The following ALKBH1 variants were observed in gnomAD, a reference collection of about 807,000 sequenced individuals.
ALKBH1 encodes the protein alkB homolog 1, histone H2A dioxygenase, also known as nucleic acid dioxygenase ALKBH1.
ALKBH1 carries 31 observed loss-of-function variants against 36.6 expected under a neutral mutation model. The observed-to-expected ratio is 0.85, with a 90% CI of 0.64 to 1.14. The LOEUF is 1.14. Among genes scored for constraint, ALKBH1 ranks in the 50% most tolerant of loss-of-function variants. The pLI, the probability that ALKBH1 is intolerant of heterozygous loss-of-function variation, is 0.00. For synonymous variants in ALKBH1, 183 were observed against 186.6 expected, an observed-to-expected ratio of 0.98 and a Z score of 0.16; for missense variants, 490 against 497.3, an observed-to-expected ratio of 0.99 and a Z score of 0.14.
rs910831624 is a variant in ALKBH1 at position 77,704,225 on chromosome 14, G to C, written c.292+144C>G. 6.2e-6 allele frequency: 4 copies of C among 650,404 alleles called. No individual in the cohort carries two copies. The South Asian group carries it at 7.1e-5, about 11-fold the overall frequency. The allele number at this position is 650,404 out of a possible 1,614,324, so 40.3% of individuals were successfully genotyped here. The stretch of plus-strand genomic sequence containing the variant: ...GACGTCTTAGACAAGGTACAGTCTA[G>C]AATGGGTTTGGAAATGAAACATTTA... On this transcript the variant is annotated intron_variant, in intron 2 of 5. Coordinates refer to ENST00000216489, the MANE Select transcript of ALKBH1 (RefSeq NM_006020.3).
intron 2 of ALKBH1, among the ~76,000 whole-genome samples, chr14:77,700,390 A>G (rs1227329579): frequency 1.3e-5 from 2 of 152,226 alleles, no homozygotes; most frequent in Non-Finnish European, 2.9e-5. Flanking sequence ...TATCAATAGC[A>G]TATACTCCAA....
At chr14:77,696,650 G>C (rs1361606837) in intron 2 of ALKBH1, 1 of 152,454 alleles carries the variant, frequency 6.6e-6, no homozygotes, top group East Asian at 1.9e-4. Flanking sequence ...GGAGCTACCT[G>C]TGTAGCTGTA....
At position 77,679,800 on chromosome 14, in the gene ALKBH1, C is replaced by T. The variant is rs576375913; in HGVS notation, c.546+80G>A. 110 of 1,040,394 alleles carry T rather than the reference C, an allele frequency of 1.1e-4. 1 individual carries two copies. In the South Asian group the frequency reaches 1.4e-3, roughly 13 times the overall value. The allele number at this position is 1,040,394 out of a possible 1,614,324, so 64.4% of individuals were successfully genotyped here. A position where few individuals can be genotyped will look rare whatever the true frequency, so the allele number is the denominator to read the frequency against. ...AAATGTATAATCTTGATATCTTAAGCGTGGTTAGGAAGAAATACAACTATG... is the reference window on the plus strand; with the variant it reads ...AAATGTATAATCTTGATATCTTAAGTGTGGTTAGGAAGAAATACAACTATG... On this transcript the variant is annotated intron_variant, in intron 4 of 5. Coordinates refer to ENST00000216489, the MANE Select transcript of ALKBH1 (RefSeq NM_006020.3).
chr14:77,705,680 T>C (rs1031408574), intron 1 of ALKBH1, among the ~76,000 whole-genome samples: 29 of 152,352 alleles, frequency 1.9e-4, no homozygotes, highest in Non-Finnish European at 3.1e-4. Flanking sequence ...AGACCCACTA[T>C]GCAGTCATTG....
intron 5 of ALKBH1, 73 bp downstream of exon 5, chr14:77,675,583 T>C (rs950353622): frequency 4.2e-5 from 58 of 1,381,724 alleles, no homozygotes; most frequent in Middle Eastern, 2.1e-4. Flanking sequence ...CCTGTATTTA[T>C]TTTAGAGTAA....
chr14:77,686,959 T>C (rs1261978069), intron 3 of ALKBH1, among the ~76,000 whole-genome samples: 1 of 151,962 alleles, frequency 6.6e-6, no homozygotes, highest in African/African-American at 2.4e-5. Context: ...TCCAGTTTTC[T>C]CTCTCCCTTC....
chr14:77,706,817 G>A (rs762262121), intron 1 of ALKBH1, among the ~76,000 whole-genome samples: 8 of 152,056 alleles, frequency 5.3e-5, no homozygotes, highest in African/African-American at 1.9e-4. Flanking sequence ...ACAAATGAAG[G>A]TGCTGAAAAG....
chr14:77,683,170 TTAC>T, intron 3 of ALKBH1: 1 of 453,000 alleles, frequency 2.2e-6, no homozygotes, highest in South Asian at 2.4e-5. Context: ...TTTTTTTTTT[TTAC>T]AAACAGTCCA....
chr14:77,674,622 G>A (rs930078652), intron 5 of ALKBH1, among the ~76,000 whole-genome samples: 2 of 151,970 alleles, frequency 1.3e-5, no homozygotes, highest in African/African-American at 2.4e-5. Context: ...GCGCGATCTC[G>A]GCTCACTGCA....
intron 1 of ALKBH1, among the ~76,000 whole-genome samples, chr14:77,707,170 C>T (rs1801176750): frequency 6.6e-6 from 1 of 152,148 alleles, no homozygotes; most frequent in Non-Finnish European, 1.5e-5. Flanking sequence ...GGTCTCGAAC[C>T]CCTGGGTTCA....
chr14:77,693,224 A>AT (rs1555384419), intron 3 of ALKBH1, among the ~76,000 whole-genome samples: 2,815 of 126,334 alleles, frequency 0.022, 74 homozygotes, highest in South Asian at 0.055. Context: ...AAAAAAAAAA[A>AT]TTTTTTTTCA....
chr14:77,682,008 T>C (rs2080240851), intron 3 of ALKBH1, among the ~76,000 whole-genome samples: 1 of 152,212 alleles, frequency 6.6e-6, no homozygotes, highest in Admixed American at 6.5e-5. Context: ...GTGATAAATC[T>C]GTAAGTGCAA....
chr14:77,700,286 T>C (rs2080352372), intron 2 of ALKBH1, among the ~76,000 whole-genome samples: 1 of 152,194 alleles, frequency 6.6e-6, no homozygotes, highest in South Asian at 2.1e-4. Context: ...GTCTAGATTC[T>C]TGCAGATATA....
intron 3 of ALKBH1, among the ~76,000 whole-genome samples, chr14:77,688,835 G>A (rs1216978394): frequency 1.3e-5 from 2 of 152,140 alleles, no homozygotes; most frequent in East Asian, 1.9e-4. Flanking sequence ...ACCTCCCAAA[G>A]TGCTGGGATT....
At chr14:77,698,220 G>A (rs761200922) in intron 2 of ALKBH1, among the ~76,000 whole-genome samples, 3 of 152,134 alleles carry the variant, frequency 2.0e-5, no homozygotes, top group Non-Finnish European at 4.4e-5. Flanking sequence ...TGAAGAAAGA[G>A]CCAACAGGGA....
At chr14:77,680,073 C>T (rs2080228586) in intron 3 of ALKBH1, 103 bp from the exon 4 acceptor site, 6 of 836,708 alleles carry the variant, frequency 7.2e-6, no homozygotes, top group South Asian at 1.4e-5. Flanking sequence ...TGGTATAAGC[C>T]GTTAGCCAAG....
chr14:77,673,093 C>T lies in ALKBH1; in HGVS notation c.*719G>A, dbSNP rs1195367519. On this transcript the variant is annotated 3_prime_UTR_variant, in exon 6 of 6. Coordinates refer to ENST00000216489, the MANE Select transcript of ALKBH1 (RefSeq NM_006020.3). ...ATTCATGGAGAAAACAGTAACAAAA[C>T]ACCCTTGGGACTTTTTTATTCCAAC... is the stretch of plus-strand genomic sequence containing the variant. The T allele has an allele frequency of 6.6e-6, 1 of 152,160 alleles. No individual in the cohort carries two copies. The highest frequency in any genetic ancestry group is 1.5e-5 in the Non-Finnish European group (1 of 68,026). The allele number at this position is 152,160 out of a possible 1,614,324, so 9.4% of individuals were successfully genotyped here.
intron 2 of ALKBH1, among the ~76,000 whole-genome samples, chr14:77,699,781 C>T (rs190813417): frequency 2.9e-3 from 444 of 152,256 alleles, no homozygotes; most frequent in Non-Finnish European, 4.7e-3. Flanking sequence ...TCTGGCTGGG[C>T]GCGGTGGCTC....
chr14:77,705,796 T>A (rs1485906888), intron 1 of ALKBH1, among the ~76,000 whole-genome samples: 4 of 152,172 alleles, frequency 2.6e-5, no homozygotes, highest in Non-Finnish European at 5.9e-5. Flanking sequence ...GGCTCACACC[T>A]GTAATTCCAA....
Sources: allele counts gnomAD v4.1 joint callset (sites outside exome capture counted in the v4.1 genomes callset), GRCh38; gene constraint gnomAD v4.1.1; transcripts MANE v1.5; gene names NCBI Gene and HGNC (gene_info 2026-07-23, HGNC 2026-07-21).